The following FCER1A variants were observed in gnomAD, a reference collection of about 807,000 sequenced individuals.
FCER1A encodes the protein high affinity immunoglobulin epsilon receptor subunit alpha.
FCER1A carries 24 observed loss-of-function variants against 23.6 expected under a neutral mutation model. That is an observed-to-expected ratio of 1.02 (90% CI 0.74 to 1.43). The LOEUF is 1.43. FCER1A is among the 40% of genes most tolerant of loss of function. FCER1A has a pLI of 0.00. For missense variants in FCER1A, 318 were observed against 294.5 expected, an observed-to-expected ratio of 1.08 and a Z score of -0.58; for synonymous variants, 121 against 108.8, an observed-to-expected ratio of 1.11 and a Z score of -0.70.
chr1:159,300,991 T>A (rs1243771190), upstream of FCER1A, among the ~76,000 whole-genome samples: 1 of 152,212 alleles, frequency 6.6e-6, no homozygotes, highest in Non-Finnish European at 1.5e-5. Context: ...CAGTACCTAA[T>A]CTTTCTTATC....
In FCER1A at chr1:159,304,130, T is replaced by G; in HGVS notation, c.279T>G (p.Cys93Trp). 6.2e-7 allele frequency: 1 copy of G among 1,614,046 alleles called. No homozygotes were observed. Among genetic ancestry groups the G allele is most frequent in the South Asian group, 1.1e-5 (1 of 91,080 alleles). The stretch of plus-strand genomic sequence containing the variant: ...TTGAAGACAGTGGAGAATACAAATG[T>G]CAGCACCAACAAGTTAATGAGAGTG... ...AKFEDSGEYK[C>W]QHQQVNESEP... The change falls in exon 3 of 5, where the codon TGT becomes TGG. Residue 93 changes from cysteine (C) to tryptophan (W), a missense_variant. Physicochemically the swap from Cys to Trp is radical, Grantham distance 215. Coordinates refer to ENST00000693622, the MANE Select transcript of FCER1A (RefSeq NM_001387280.1).
chr1:159,307,750 C>A lies in FCER1A; in HGVS notation c.592C>A (p.Pro198Thr), dbSNP rs1652657112. The change falls in exon 5 of 5, where the codon CCG becomes ACG. Residue 198 changes from proline to threonine, a missense_variant and splice_region_variant. By Grantham distance (38) the Pro-to-Thr change is conservative. Transcript: ENST00000693622. ...ATTGCATCTGTGTTCCACTACAGCT[C>A]CGCGTGAGAAGTACTGGCTACAATT... The part of the protein sequence containing the change: ...EPLNITVIKA[P>T]REKYWLQFFI... 13 of 1,597,462 alleles carry A rather than the reference C, an allele frequency of 8.1e-6. No homozygotes were observed. Among genetic ancestry groups the A allele is most frequent in the Non-Finnish European group, 1.1e-5 (13 of 1,167,268 alleles).
intron 4 of FCER1A, among the ~76,000 whole-genome samples, 161 bp from the exon 5 acceptor site, chr1:159,307,587 A>G (rs1652652975): frequency 6.6e-6 from 1 of 152,166 alleles, no homozygotes; most frequent in Admixed American, 6.5e-5. Context: ...AACTCAACCT[A>G]GTGTTAATCT....
At chr1:159,286,774 G>T (rs538707590), upstream of FCER1A, among the ~76,000 whole-genome samples, 6 of 152,094 alleles carry the variant, frequency 3.9e-5, no homozygotes, top group Non-Finnish European at 7.4e-5. Flanking sequence ...AGTAAAATTG[G>T]AATTTAAGCC....
At chr1:159,293,711 A>G (rs1225614154) in intron 1 of FCER1A, among the ~76,000 whole-genome samples, 1 of 151,832 alleles carries the variant, frequency 6.6e-6, no homozygotes, top group East Asian at 1.9e-4. Context: ...TGTCCCTACA[A>G]AGGACATGAA....
intron 3 of FCER1A, among the ~76,000 whole-genome samples, chr1:159,304,499 C>T (rs573676762): frequency 1.4e-4 from 21 of 152,000 alleles, no homozygotes; most frequent in Non-Finnish European, 2.4e-4. Flanking sequence ...CCCAGGTACT[C>T]GGGAGGCTGA....
At chr1:159,292,754 T>C (rs1334313231) in intron 1 of FCER1A, among the ~76,000 whole-genome samples, 1 of 152,178 alleles carries the variant, frequency 6.6e-6, no homozygotes, top group African/African-American at 2.4e-5. Flanking sequence ...TATGGCAGTA[T>C]TGAGAAGCAG....
At chr1:159,305,891 G>A in intron 3 of FCER1A, 97 bp from the exon 4 acceptor site, 1 of 1,101,682 alleles carries the variant, frequency 9.1e-7, no homozygotes, top group Non-Finnish European at 1.3e-6. Flanking sequence ...ATAATTCATA[G>A]TTTCTGACAC....
upstream of FCER1A, among the ~76,000 whole-genome samples, chr1:159,288,611 T>C (rs1471511072): frequency 6.6e-6 from 1 of 152,240 alleles, no homozygotes; most frequent in Non-Finnish European, 1.5e-5. Flanking sequence ...TGCACTCTTA[T>C]CATTTCAGTA....
chr1:159,295,174 T>C (rs1652262522), intron 1 of FCER1A, among the ~76,000 whole-genome samples: 1 of 152,200 alleles, frequency 6.6e-6, no homozygotes, highest in Admixed American at 6.5e-5. Flanking sequence ...ATTTTCTTCA[T>C]ATATCTTTCT....
chr1:159,290,398 C>A (rs976973947), intron 1 of FCER1A, among the ~76,000 whole-genome samples: 1 of 151,950 alleles, frequency 6.6e-6, no homozygotes, highest in African/African-American at 2.4e-5. Context: ...CTAGCAGTGT[C>A]AGATTCTCCA....
In FCER1A at chr1:159,304,113, A is replaced by G. The variant is rs1255992158; in HGVS notation, c.262A>G (p.Ser88Gly). 1.2e-6 allele frequency: 2 copies of G among 1,613,760 alleles called. No individual in the cohort carries two copies. The highest frequency in any genetic ancestry group is 1.7e-6 in the Non-Finnish European group (2 of 1,179,746). The change falls in exon 3 of 5, where the codon AGT (serine) becomes GGT (glycine). Residue 88 changes from serine (S) to glycine (G), a missense_variant. Physicochemically the swap from Ser to Gly is moderately conservative, Grantham distance 56. Coordinates refer to ENST00000693622, the MANE Select transcript of FCER1A (RefSeq NM_001387280.1). The stretch of plus-strand genomic sequence containing the variant: ...TATTGTGAATGCCAAATTTGAAGAC[A>G]GTGGAGAATACAAATGTCAGCACCA... ...LNIVNAKFED[S>G]GEYKCQHQQV... is the part of the protein sequence containing the mutation.
chr1:159,294,363 T>C (rs1652240817), intron 1 of FCER1A, among the ~76,000 whole-genome samples: 1 of 152,198 alleles, frequency 6.6e-6, no homozygotes. Flanking sequence ...TATGGGGACT[T>C]TCAACTTCCC....
chr1:159,293,376 C>G (rs1652209491), intron 1 of FCER1A, among the ~76,000 whole-genome samples: 1 of 151,808 alleles, frequency 6.6e-6, no homozygotes, highest in African/African-American at 2.4e-5. Flanking sequence ...ATGTCCTTCT[C>G]TTAATTTCTT....
upstream of FCER1A, among the ~76,000 whole-genome samples, chr1:159,298,261 G>A (rs759469390): frequency 6.6e-5 from 10 of 151,652 alleles, no homozygotes; most frequent in East Asian, 1.9e-4. Context: ...TCAGTGATAC[G>A]CCTTGGATGT....
In FCER1A at chr1:159,303,931, C is replaced by G. The variant is rs1423471213; in HGVS notation, c.80C>G (p.Pro27Arg). 1.2e-6 allele frequency: 2 copies of G among 1,609,476 alleles called. No individual in the cohort carries two copies. Among genetic ancestry groups the G allele is most frequent in the Non-Finnish European group, 1.7e-6 (2 of 1,177,140 alleles). Residue 27 changes from proline to arginine, a missense_variant, in exon 3 of 5, where the codon CCT becomes CGT. Coordinates refer to ENST00000693622, the MANE Select transcript of FCER1A (RefSeq NM_001387280.1). Reference sequence around the variant, plus strand: ...TCATATTTTTATCTTCTTGAAGTCCCTCAGAAACCTAAGGTCTCCTTGAAC... The same window carrying G: ...TCATATTTTTATCTTCTTGAAGTCCGTCAGAAACCTAAGGTCTCCTTGAAC... ...FFAPDGVLAV[P>R]QKPKVSLNPP...
intron 1 of FCER1A, among the ~76,000 whole-genome samples, chr1:159,290,158 C>T (rs1652110660): frequency 2.6e-5 from 4 of 152,164 alleles, no homozygotes; most frequent in Non-Finnish European, 5.9e-5. Flanking sequence ...ATTCTACTTT[C>T]CTCTGCTCTC....
chr1:159,298,005 G>A (rs534656779), upstream of FCER1A, among the ~76,000 whole-genome samples: 6 of 152,314 alleles, frequency 3.9e-5, no homozygotes, highest in East Asian at 7.7e-4. Flanking sequence ...ATCTGTATCT[G>A]TTGGAAGACA....
chr1:159,302,356 A>G lies in FCER1A; in HGVS notation c.-9A>G, dbSNP rs375270171. The stretch of plus-strand genomic sequence containing the variant: ...CCAGCACAGTAAGCACCAGGAGTCC[A>G]TGAAGAAGATGGCTCCTGCCATGGA... On this transcript the variant is annotated 5_prime_UTR_variant, in exon 1 of 5. It removes an upstream start codon present in the reference 5' UTR. Coordinates refer to ENST00000693622, the MANE Select transcript of FCER1A (RefSeq NM_001387280.1). The G allele has an allele frequency of 5.0e-6, 8 of 1,601,500 alleles. No individual in the cohort carries two copies. The African/African-American group carries it at 1.1e-4, about 21-fold the overall frequency.
Sources: allele counts gnomAD v4.1 joint callset (sites outside exome capture counted in the v4.1 genomes callset), GRCh38; gene constraint gnomAD v4.1.1; transcripts MANE v1.5; gene names NCBI Gene and HGNC (gene_info 2026-07-23, HGNC 2026-07-21).